NRXN1: variants seen among roughly 807,000 people sequenced by gnomAD.
NRXN1 encodes neurexin-1.
In NRXN1, 39 loss-of-function variants were observed where a neutral mutation model predicts 150.9. That is an observed-to-expected ratio of 0.26 (90% CI 0.20 to 0.34). NRXN1 has a LOEUF of 0.34. NRXN1 is among the 10% of genes least tolerant of loss of function. NRXN1 has a pLI of 1.00. For missense variants in NRXN1, 1,815 were observed against 1,949.9 expected (o/e 0.93, Z 1.30); for synonymous variants, 924 against 757.0 (o/e 1.22, Z -3.62).
chr2:50,916,245 G>A (rs569912038), intron 5 of NRXN1, among the ~76,000 whole-genome samples: 3 of 150,844 alleles, frequency 2.0e-5, no homozygotes, highest in African/African-American at 7.3e-5. Context: ...ATCATAATAA[G>A]CAGCGTCACC....
chr2:50,735,483 T>C (rs1336675932), intron 5 of NRXN1, among the ~76,000 whole-genome samples: 1 of 152,108 alleles, frequency 6.6e-6, no homozygotes, highest in Admixed American at 6.6e-5. Context: ...CCACTGGGAA[T>C]TTTGAAAATG....
At chr2:51,026,098 C>A (rs1371224497) in intron 2 of NRXN1, among the ~76,000 whole-genome samples, 1 of 152,162 alleles carries the variant, frequency 6.6e-6, no homozygotes, top group Non-Finnish European at 1.5e-5. Flanking sequence ...TGAGAGAGAA[C>A]TGCCAACTCT....
intron 5 of NRXN1, among the ~76,000 whole-genome samples, chr2:50,771,643 G>A (rs553253316): frequency 3.9e-5 from 6 of 152,192 alleles, no homozygotes; most frequent in African/African-American, 7.2e-5. Flanking sequence ...GATGGGTTGC[G>A]GGTAAGAATA....
At chr2:50,808,095 T>C (rs1667740385) in intron 5 of NRXN1, among the ~76,000 whole-genome samples, 1 of 152,122 alleles carries the variant, frequency 6.6e-6, no homozygotes, top group African/African-American at 2.4e-5. Context: ...GGCACTTTTA[T>C]AACTATGAGT....
At chr2:50,600,588 G>T (rs1263733554) in intron 8 of NRXN1, among the ~76,000 whole-genome samples, 1 of 152,108 alleles carries the variant, frequency 6.6e-6, no homozygotes, top group Non-Finnish European at 1.5e-5. Flanking sequence ...GCCTCCCAAA[G>T]TGCTGGGATT....
intron 2 of NRXN1, among the ~76,000 whole-genome samples, chr2:50,941,234 A>G (rs1689393514): frequency 6.6e-6 from 1 of 152,170 alleles, no homozygotes; most frequent in South Asian, 2.1e-4. Context: ...CTCTTTATGA[A>G]TTACCGAGTC....
At chr2:50,548,898 TTCCC>T (rs2093553254) in intron 9 of NRXN1, among the ~76,000 whole-genome samples, 1 of 152,082 alleles carries the variant, frequency 6.6e-6, no homozygotes, top group Admixed American at 6.6e-5. Context: ...TAGGCGTGGG[TTCCC>T]TCTACTTTAA....
intron 21 of NRXN1, among the ~76,000 whole-genome samples, chr2:49,978,403 G>A (rs1035338395): frequency 4.6e-5 from 7 of 151,988 alleles, no homozygotes; most frequent in Non-Finnish European, 7.4e-5. Flanking sequence ...TCTTGTCCTC[G>A]GGCTCTCACG....
At chr2:50,097,764 G>A (rs974910944) in intron 18 of NRXN1, among the ~76,000 whole-genome samples, 2 of 151,754 alleles carry the variant, frequency 1.3e-5, no homozygotes, top group East Asian at 1.9e-4. Flanking sequence ...CTCAGCCTCC[G>A]AAGTAGCTGG....
intron 17 of NRXN1, among the ~76,000 whole-genome samples, chr2:50,267,970 G>A (rs1223996225): frequency 6.6e-6 from 1 of 152,052 alleles, no homozygotes; most frequent in Non-Finnish European, 1.5e-5. Context: ...CAGGTGGATT[G>A]CCTGAGCTCA....
At chr2:50,104,007 C>G (rs903359818) in intron 18 of NRXN1, among the ~76,000 whole-genome samples, 3 of 152,082 alleles carry the variant, frequency 2.0e-5, no homozygotes, top group Admixed American at 2.0e-4. Context: ...CTTGCCTTCC[C>G]CATCCCAAAA....
chr2:50,088,025 G>C (rs533262758), intron 19 of NRXN1, among the ~76,000 whole-genome samples: 4 of 152,218 alleles, frequency 2.6e-5, no homozygotes, highest in African/African-American at 9.6e-5. Context: ...ATAGTCTGCT[G>C]GTTCCCGCTT....
chr2:50,398,803 C>A (rs2082211696), intron 17 of NRXN1, among the ~76,000 whole-genome samples: 1 of 152,120 alleles, frequency 6.6e-6, no homozygotes, highest in Admixed American at 6.6e-5. Context: ...TAGAGTTCCA[C>A]TATATCTAGC....
At chr2:50,766,291 G>C (rs1702375960) in intron 5 of NRXN1, among the ~76,000 whole-genome samples, 1 of 151,936 alleles carries the variant, frequency 6.6e-6, no homozygotes, top group African/African-American at 2.4e-5. Context: ...GGATGGGATG[G>C]GGTGGGAGTG....
chr2:50,721,356 G>T (rs1393146255), intron 5 of NRXN1, among the ~76,000 whole-genome samples: 1 of 152,166 alleles, frequency 6.6e-6, no homozygotes, highest in Non-Finnish European at 1.5e-5. Context: ...GCTCTAGAAA[G>T]CATTAGAGCT....
intron 8 of NRXN1, among the ~76,000 whole-genome samples, chr2:50,557,363 G>A (rs1349044436): frequency 6.6e-6 from 1 of 152,284 alleles, no homozygotes; most frequent in African/African-American, 2.4e-5. Flanking sequence ...AGCGACCAAA[G>A]TTAGTGTTGT....
chr2:50,181,548 A>G (rs2060715107), intron 18 of NRXN1, among the ~76,000 whole-genome samples: 1 of 152,088 alleles, frequency 6.6e-6, no homozygotes, highest in African/African-American at 2.4e-5. Context: ...CCTCACTGGT[A>G]AAGCAATTCA....
chr2:51,010,493 A>C (rs1667672360), intron 2 of NRXN1, among the ~76,000 whole-genome samples: 1 of 151,982 alleles, frequency 6.6e-6, no homozygotes, highest in African/African-American at 2.4e-5. Flanking sequence ...ATTTAATCAA[A>C]TCCATGTTAA....
intron 21 of NRXN1, among the ~76,000 whole-genome samples, chr2:50,050,253 C>A (rs751972531): frequency 2.1e-4 from 31 of 149,834 alleles, no homozygotes; most frequent in Middle Eastern, 7.1e-3. Flanking sequence ...CTACTATATT[C>A]TCTGAGTCTG....
Sources: gnomAD v4.1 joint callset for allele counts (sites outside exome capture counted in the v4.1 genomes callset) on GRCh38, gnomAD v4.1.1 for gene constraint, MANE v1.5 for transcripts, NCBI Gene and HGNC (gene_info 2026-07-23, HGNC 2026-07-21) for gene names.